Variants in GLB1L3 observed in about 807,000 individuals in gnomAD.
The protein encoded by GLB1L3 is galactosidase beta 1 like 3, also known as beta-galactosidase-1-like protein 3.
GLB1L3 carries 89 observed loss-of-function variants against 89.5 expected under a neutral mutation model. The observed-to-expected ratio is 0.99, with a 90% CI of 0.84 to 1.19. GLB1L3 has a LOEUF of 1.19. Ranked by LOEUF, GLB1L3 falls within the 50% of genes most tolerant of loss-of-function variation. GLB1L3 has a pLI of 0.00. For synonymous variants in GLB1L3, 314 were observed against 312.3 expected, an observed-to-expected ratio of 1.01 and a Z score of -0.06; for missense variants, 812 against 813.3, an observed-to-expected ratio of 1.00 and a Z score of 0.02.
At chr11:134,306,534 T>G (rs1036998353) in intron 9 of GLB1L3, among the ~76,000 whole-genome samples, 2 of 152,146 alleles carry the variant, frequency 1.3e-5, no homozygotes, top group African/African-American at 4.8e-5. Flanking sequence ...GAGACAATCT[T>G]AGAGCAGCAG....
At chr11:134,280,555 A>G (rs1940628574) in intron 3 of GLB1L3, among the ~76,000 whole-genome samples, 1 of 152,064 alleles carries the variant, frequency 6.6e-6, no homozygotes, top group Non-Finnish European at 1.5e-5. Context: ...GGTACTTTAA[A>G]TCTTTTCACT....
chr11:134,316,450 A>G (rs943019859), intron 18 of GLB1L3, among the ~76,000 whole-genome samples: 2 of 152,300 alleles, frequency 1.3e-5, no homozygotes, highest in African/African-American at 4.8e-5. Context: ...TTAGTGTCTT[A>G]TTAGTTGGAT....
At chr11:134,314,935 G>A (rs1300420510) in intron 18 of GLB1L3, among the ~76,000 whole-genome samples, 1 of 152,092 alleles carries the variant, frequency 6.6e-6, no homozygotes, top group Admixed American at 6.6e-5. Context: ...TGTACAAAAT[G>A]TGAATGTACA....
At chr11:134,313,287 C>T (rs978161169) in intron 15 of GLB1L3, 109 bp from the exon 16 acceptor site, 2 of 768,860 alleles carry the variant, frequency 2.6e-6, no homozygotes, top group Non-Finnish European at 4.4e-6. Flanking sequence ...GCCCTGGAGC[C>T]TCCTGTTCTC....
chr11:134,309,196 G>A (rs991728032), intron 10 of GLB1L3, among the ~76,000 whole-genome samples: 1 of 152,150 alleles, frequency 6.6e-6, no homozygotes, highest in African/African-American at 2.4e-5. Context: ...GTCAAATTAT[G>A]TCAATATTTT....
chr11:134,309,866 T>C (rs756497463), intron 11 of GLB1L3, 103 bp downstream of exon 11: 7 of 1,283,210 alleles, frequency 5.5e-6, no homozygotes, highest in Non-Finnish European at 7.6e-6. Context: ...TCTTGACCTA[T>C]AATCTATGCT....
chr11:134,301,784 T>C (rs1941961486), intron 9 of GLB1L3, among the ~76,000 whole-genome samples: 2 of 152,198 alleles, frequency 1.3e-5, no homozygotes, highest in Admixed American at 1.3e-4. Flanking sequence ...TTGGTATATT[T>C]GATATACTGT....
intron 9 of GLB1L3, among the ~76,000 whole-genome samples, chr11:134,294,442 A>G (rs778732227): frequency 2.0e-5 from 3 of 152,172 alleles, no homozygotes; most frequent in Non-Finnish European, 4.4e-5. Context: ...ATCTGTGGCT[A>G]TCTCTAGTTT....
chr11:134,324,044 C>A (rs1032132411), downstream of GLB1L3, among the ~76,000 whole-genome samples: 3 of 152,178 alleles, frequency 2.0e-5, no homozygotes, highest in Non-Finnish European at 2.9e-5. Flanking sequence ...CATGTTTGTT[C>A]TTTCTTTGCC....
At chr11:134,278,246 G>A (rs1411269912) in intron 3 of GLB1L3, among the ~76,000 whole-genome samples, 1 of 151,894 alleles carries the variant, frequency 6.6e-6, no homozygotes, top group East Asian at 1.9e-4. Context: ...AGATAAATAT[G>A]TACTTACAGA....
At chr11:134,309,209 A>G (rs936957575) in intron 10 of GLB1L3, among the ~76,000 whole-genome samples, 3 of 152,168 alleles carry the variant, frequency 2.0e-5, no homozygotes, top group Non-Finnish European at 2.9e-5. Flanking sequence ...AATATTTTGG[A>G]AAAAAAGTGT....
At chr11:134,299,189 A>T (rs944614017) in intron 9 of GLB1L3, among the ~76,000 whole-genome samples, 1 of 151,692 alleles carries the variant, frequency 6.6e-6, no homozygotes, top group African/African-American at 2.4e-5. Context: ...CTTTCAGCCA[A>T]AATTATCTAT....
intron 9 of GLB1L3, among the ~76,000 whole-genome samples, chr11:134,302,334 T>C (rs897053535): frequency 2.0e-5 from 3 of 152,190 alleles, no homozygotes; most frequent in Non-Finnish European, 2.9e-5. Flanking sequence ...GTGGTTTCAT[T>C]GATTTCTTAA....
downstream of GLB1L3, chr11:134,319,691 CCT>C (rs34982949): frequency 0.27 from 39,198 of 142,854 alleles, 5,881 homozygotes; most frequent in Non-Finnish European, 0.35. Flanking sequence ...CGGTCTCCCT[CCT>C]CTCTCTCTCT....
At chr11:134,308,197 CACCACT>C (rs200648232) in intron 10 of GLB1L3, among the ~76,000 whole-genome samples, 7 of 68,752 alleles carry the variant, frequency 1.0e-4, no homozygotes, top group African/African-American at 4.3e-4. Context: ...TCATCACCAT[CACCACT>C]ACCACCACCA....
At chr11:134,312,217 G>A (rs1237412107) in intron 13 of GLB1L3, 132 bp from the exon 14 acceptor site, 1 of 972,190 alleles carries the variant, frequency 1.0e-6, no homozygotes, top group South Asian at 1.6e-5. Flanking sequence ...GTGTCACATG[G>A]CATCTGTTTC....
At chr11:134,312,629 A>G in intron 14 of GLB1L3, 140 bp downstream of exon 14, 2 of 1,164,146 alleles carry the variant, frequency 1.7e-6, no homozygotes, top group Non-Finnish European at 2.4e-6. Context: ...AAGTCAGGCC[A>G]AATAGACTTG....
chr11:134,308,238 T>TCATCATCAC (rs1942346078), intron 10 of GLB1L3, among the ~76,000 whole-genome samples: 1 of 26,300 alleles, frequency 3.8e-5, no homozygotes, highest in African/African-American at 2.2e-4. Flanking sequence ...ACCACCACCA[T>TCATCATCAC]CACCATCACC....
rs538969368 is a variant in GLB1L3, at chr11:134,285,090, G to A, written c.636+1245G>A. On this transcript the variant is annotated intron_variant, in intron 6 of 19. Coordinates refer to ENST00000431683, the MANE Select transcript of GLB1L3 (RefSeq NM_001080407.3). ...ACTACAGGTGCCCACCACCATGCCCGGCTAACTTTTTGTATTTTTAGTAGA... is the reference window on the plus strand; with the variant it reads ...ACTACAGGTGCCCACCACCATGCCCAGCTAACTTTTTGTATTTTTAGTAGA... 7.2e-5 allele frequency among the ~76,000 whole-genome samples: 11 copies of A among 151,804 alleles called. No homozygotes were observed. The South Asian group carries it at 8.3e-4, about 12-fold the overall frequency.
Sources: gnomAD v4.1 joint callset for allele counts (sites outside exome capture counted in the v4.1 genomes callset) on GRCh38, gnomAD v4.1.1 for gene constraint, MANE v1.5 for transcripts, NCBI Gene and HGNC (gene_info 2026-07-23, HGNC 2026-07-21) for gene names.